The following NEDD4 variants were observed in gnomAD, a reference collection of about 807,000 sequenced individuals.
NEDD4 encodes the protein E3 ubiquitin-protein ligase NEDD4.
A neutral mutation model predicts 144.9 loss-of-function variants in NEDD4; 99 were observed. The ratio of observed to expected loss-of-function variants is 0.68; its 90% CI spans 0.58 to 0.81. The LOEUF (loss-of-function observed/expected upper bound fraction) is 0.81, where lower values mean the gene tolerates loss of function less well. Ranked by LOEUF, NEDD4 falls within the 30% of genes least tolerant of loss-of-function variation. The pLI is 0.00. For missense variants in NEDD4, 985 were observed against 1,065.9 expected, an observed-to-expected ratio of 0.92 and a Z score of 1.06; for synonymous variants, 318 against 350.6, an observed-to-expected ratio of 0.91 and a Z score of 1.04.
chr15:55,903,286 G>A (rs774224689), intron 5 of NEDD4, among the ~76,000 whole-genome samples: 1 of 152,038 alleles, frequency 6.6e-6, no homozygotes, highest in Non-Finnish European at 1.5e-5. Flanking sequence ...CCCAGTGCCC[G>A]ATGAGAGTCC....
Position 55,842,072 on chromosome 15 carries a change from T to C in NEDD4, c.1700A>G (p.Asp567Gly). 1 of 1,614,198 alleles carries C rather than the reference T, an allele frequency of 6.2e-7. No homozygotes were observed. Among genetic ancestry groups the C allele is most frequent in the Non-Finnish European group, 8.5e-7 (1 of 1,180,030 alleles). The stretch of plus-strand genomic sequence containing the variant: ...AATCCACAGTCGAGCCTTCAGGAAG[T>C]CTGCTCTCTTGACACCCATAATTCT... The part of the protein sequence containing the change: ...YRRIMGVKRA[D>G]FLKARLWIEF... The change falls in exon 19 of 29, where the codon GAC becomes GGC. Residue 567 changes from aspartate (D) to glycine (G), a missense_variant. Physicochemically the swap from Asp to Gly is moderately conservative, Grantham distance 94. Transcript: ENST00000435532.
chr15:55,837,219 C>A (rs1164392164), intron 24 of NEDD4, among the ~76,000 whole-genome samples: 1 of 152,020 alleles, frequency 6.6e-6, no homozygotes, highest in African/African-American at 2.4e-5. Context: ...CACTTGAGGT[C>A]TGGAGTTTGA....
At chr15:55,859,047 T>C (rs2034302822) in intron 11 of NEDD4, among the ~76,000 whole-genome samples, 1 of 152,240 alleles carries the variant, frequency 6.6e-6, no homozygotes, top group Admixed American at 6.5e-5. Flanking sequence ...GTTAATTTTA[T>C]TGACTGATGT....
chr15:55,844,951 G>T (rs1005725953), intron 18 of NEDD4, among the ~76,000 whole-genome samples: 1 of 152,058 alleles, frequency 6.6e-6, no homozygotes, highest in Non-Finnish European at 1.5e-5. Flanking sequence ...GGGATTACAG[G>T]CATGAACCAC....
intron 1 of NEDD4, chr15:55,991,827 G>C (rs942067913): frequency 2.6e-5 from 4 of 152,142 alleles, no homozygotes; most frequent in African/African-American, 9.7e-5. Context: ...ATTTCAGCTG[G>C]GCAGAGGGGT....
intron 5 of NEDD4, chr15:55,915,487 T>G: frequency 6.2e-7 from 1 of 1,613,744 alleles, no homozygotes; most frequent in South Asian, 1.1e-5. Flanking sequence ...ATACCATGGT[T>G]TTTGTTCATC....
chr15:55,964,481 T>A (rs2037476014), intron 2 of NEDD4, among the ~76,000 whole-genome samples: 1 of 152,200 alleles, frequency 6.6e-6, no homozygotes, highest in Non-Finnish European at 1.5e-5. Context: ...TTTTCATTTT[T>A]TTATGGTTTC....
chr15:55,850,699 G>A lies in NEDD4; in HGVS notation c.1190C>T (p.Ala397Val). ...TSQLTSSQSSAGPQSQASTSD... is the reference protein window; with the variant it reads ...TSQLTSSQSSVGPQSQASTSD... ...GGTGGAGGCTTGTGATTGAGGGCCT[G>A]CAGAACTCTGGCTTGAGGTCAGCTG... is the stretch of plus-strand genomic sequence containing the variant. Residue 397 changes from alanine (A) to valine (V), a missense_variant, in exon 14 of 29, where the codon GCA becomes GTA. Physicochemically the swap from Ala to Val is moderately conservative, Grantham distance 64. Coordinates refer to ENST00000435532, the MANE Select transcript of NEDD4 (RefSeq NM_006154.4). 1.2e-6 allele frequency: 2 copies of A among 1,613,998 alleles called. No individual in the cohort carries two copies. Among genetic ancestry groups the A allele is most frequent in the Non-Finnish European group, 1.7e-6 (2 of 1,180,024 alleles).
At chr15:55,967,894 T>A (rs1217399710) in intron 1 of NEDD4, among the ~76,000 whole-genome samples, 5 of 152,008 alleles carry the variant, frequency 3.3e-5, no homozygotes, top group African/African-American at 1.2e-4. Flanking sequence ...GTGTCTGTAA[T>A]CCCAGCTACT....
At chr15:55,941,452 C>T (rs2037002131) in intron 4 of NEDD4, among the ~76,000 whole-genome samples, 1 of 151,940 alleles carries the variant, frequency 6.6e-6, no homozygotes, top group Non-Finnish European at 1.5e-5. Context: ...TTTTTTGATC[C>T]ATGGCTTATT....
chr15:55,942,700 T>G (rs2037029845), intron 4 of NEDD4, among the ~76,000 whole-genome samples: 1 of 152,142 alleles, frequency 6.6e-6, no homozygotes. Context: ...TTTATAGCAA[T>G]GCAAGAACAA....
In NEDD4 at chr15:55,838,562, C is replaced by G; in HGVS notation, c.2074G>C (p.Asp692His). The G allele has an allele frequency of 6.2e-7, 1 of 1,612,674 alleles. No individual in the cohort carries two copies. The highest frequency in any genetic ancestry group is 8.5e-7 in the Non-Finnish European group (1 of 1,179,316). Reference sequence around the variant, plus strand: ...AACCTGAGGTCCAATTCTGTTGGGTCATTTTCAAGAATCCATCTTAGGGAA... The same window carrying G: ...AACCTGAGGTCCAATTCTGTTGGGTGATTTTCAAGAATCCATCTTAGGGAA... ...YNSLRWILEN[D>H]PTELDLRFII... is the part of the protein sequence containing the mutation. Residue 692 changes from aspartate (D) to histidine (H), a missense_variant, in exon 22 of 29, where the codon GAC becomes CAC. Transcript: ENST00000435532.
chr15:55,969,888 A>T (rs1173331078), intron 1 of NEDD4, among the ~76,000 whole-genome samples: 21 of 104,986 alleles, frequency 2.0e-4, no homozygotes, highest in African/African-American at 8.3e-4. Context: ...AGGGAAAAGT[A>T]AAAAAAAAAA....
Position 55,924,255 on chromosome 15 carries a change from C to T in NEDD4, c.291+391G>A, listed in dbSNP as rs181334793. 132 of 172,102 alleles carry T rather than the reference C, an allele frequency of 7.7e-4. 1 individual carries two copies. The highest frequency in any genetic ancestry group is 3.1e-3 in the African/African-American group (130 of 42,358). 10.7% of individuals were successfully genotyped at this position (172,102 alleles called of 1,614,324 possible). On this transcript the variant is annotated intron_variant, in intron 5 of 28. Coordinates refer to ENST00000435532, the MANE Select transcript of NEDD4 (RefSeq NM_006154.4). Reference sequence around the variant, plus strand: ...GGATGTCCATTGGATACAGGTAACCCTAAGAAAGGCCACTGTAGTGAGGAG... The same window carrying T: ...GGATGTCCATTGGATACAGGTAACCTTAAGAAAGGCCACTGTAGTGAGGAG...
At chr15:55,932,109 C>A (rs2036793136) in intron 4 of NEDD4, among the ~76,000 whole-genome samples, 1 of 152,074 alleles carries the variant, frequency 6.6e-6, no homozygotes, top group Non-Finnish European at 1.5e-5. Flanking sequence ...TGGGAGGGAC[C>A]TGGTGGGAGG....
intron 14 of NEDD4, among the ~76,000 whole-genome samples, chr15:55,849,878 C>G (rs577157487): frequency 1.3e-5 from 2 of 151,440 alleles, no homozygotes; most frequent in Non-Finnish European, 2.9e-5. Flanking sequence ...CTGCAACCTC[C>G]GCCTCCTGGG....
intron 5 of NEDD4, among the ~76,000 whole-genome samples, chr15:55,895,047 G>A (rs1446896803): frequency 1.3e-5 from 2 of 152,004 alleles, no homozygotes; most frequent in East Asian, 3.9e-4. Context: ...TTATATTTCT[G>A]AACAAAGGAA....
chr15:55,877,390 A>C (rs2142079764), intron 5 of NEDD4, among the ~76,000 whole-genome samples: 1 of 152,316 alleles, frequency 6.6e-6, no homozygotes, highest in East Asian at 1.9e-4. Flanking sequence ...TTTTTGCAAG[A>C]ATACCATAAA....
chr15:55,863,752 C>A (rs1200034676), intron 8 of NEDD4, among the ~76,000 whole-genome samples: 2 of 152,126 alleles, frequency 1.3e-5, no homozygotes, highest in Non-Finnish European at 2.9e-5. Flanking sequence ...TCTTATTGGT[C>A]ATTGTCTTTC....
Sources: allele counts gnomAD v4.1 joint callset (sites outside exome capture counted in the v4.1 genomes callset), GRCh38; gene constraint gnomAD v4.1.1; transcripts MANE v1.5; gene names NCBI Gene and HGNC (gene_info 2026-07-23, HGNC 2026-07-21).